MGST1: variants seen among roughly 807,000 people sequenced by gnomAD.
The protein encoded by MGST1 is microsomal glutathione S-transferase 1, also known as glutathione S-transferase 12.
A neutral mutation model predicts 8.9 loss-of-function variants in MGST1; 5 were observed. The observed-to-expected ratio is 0.56, with a 90% CI of 0.29 to 1.19. The LOEUF (loss-of-function observed/expected upper bound fraction) is 1.19. MGST1 is among the 50% of genes most tolerant of loss of function. The probability of loss-of-function intolerance (pLI) is 0.08; values close to 1 mark genes in which losing one functional copy is unlikely to be tolerated. For missense variants in MGST1, 182 were observed against 187.4 expected (o/e 0.97, Z 0.17); for synonymous variants, 54 against 67.8 (o/e 0.80, Z 1.00).
chr12:16,502,664 C>A (rs1368386290), intron 4 of MGST1, among the ~76,000 whole-genome samples: 1 of 152,072 alleles, frequency 6.6e-6, no homozygotes, highest in African/African-American at 2.4e-5. Context: ...TGAAGTCAAA[C>A]AAAGAAAATG....
intron 4 of MGST1, among the ~76,000 whole-genome samples, chr12:16,568,666 T>G (rs547702214): frequency 6.6e-6 from 1 of 152,232 alleles, no homozygotes; most frequent in East Asian, 1.9e-4. Flanking sequence ...TTTGGATACA[T>G]TGCATTAAAT....
At chr12:16,367,723 T>A (rs755459124), downstream of MGST1, among the ~76,000 whole-genome samples, 1 of 152,164 alleles carries the variant, frequency 6.6e-6, no homozygotes, top group East Asian at 1.9e-4. Context: ...CACTTCAAGA[T>A]GGAGATGATC....
rs11387725 is a variant in MGST1 at position 16,353,757 on chromosome 12, C to CTTT, written c.-22-456_-22-454dup. Among the ~76,000 whole-genome samples, 214 of 111,456 alleles carry CTTT rather than the reference C, an allele frequency of 1.9e-3. 10 individuals carry two copies. The highest frequency in any genetic ancestry group is 5.9e-3 in the African/African-American group (163 of 27,748). The allele number at this position is 111,456 out of a possible 152,430, so 73.1% of individuals were successfully genotyped here. ...ACTAGATAAAATATAATATTGCATA[C>CTTT]TTTTTTTTTTTTTTTTTTTTGAGAT... On this transcript the variant is annotated intron_variant, in intron 1 of 3. Coordinates refer to ENST00000396210, the MANE Select transcript of MGST1 (RefSeq NM_020300.5).
intron 4 of MGST1, among the ~76,000 whole-genome samples, chr12:16,535,707 C>G (rs1415821115): frequency 6.6e-6 from 1 of 152,104 alleles, no homozygotes; most frequent in Non-Finnish European, 1.5e-5. Context: ...AGCAATGGCT[C>G]TTAATATATT....
intron 1 of MGST1, among the ~76,000 whole-genome samples, chr12:16,435,386 A>T (rs1367853908): frequency 6.6e-6 from 1 of 151,914 alleles, no homozygotes; most frequent in Non-Finnish European, 1.5e-5. Flanking sequence ...CTTTTTCACG[A>T]TTCCAGGAAA....
chr12:16,388,573 C>A (rs1466942491), intron 1 of MGST1, among the ~76,000 whole-genome samples: 1 of 152,192 alleles, frequency 6.6e-6, no homozygotes, highest in African/African-American at 2.4e-5. Context: ...TAACTGGTGT[C>A]TACTGTATTC....
intron 1 of MGST1, among the ~76,000 whole-genome samples, chr12:16,349,767 C>T (rs1389970451): frequency 1.1e-4 from 14 of 126,518 alleles, no homozygotes; most frequent in Admixed American, 1.1e-3. Flanking sequence ...TTTTTTGAGA[C>T]GGGGTCTCGC....
chr12:16,379,366 G>A (rs941053647), downstream of MGST1, among the ~76,000 whole-genome samples: 32 of 152,146 alleles, frequency 2.1e-4, no homozygotes, highest in African/African-American at 4.8e-4. Flanking sequence ...AAGAGTTGTC[G>A]AATTTTGTCA....
intron 3 of MGST1, among the ~76,000 whole-genome samples, chr12:16,360,980 T>TCC (rs4149217): frequency 2.9e-3 from 412 of 143,898 alleles, no homozygotes; most frequent in African/African-American, 5.7e-3. Flanking sequence ...TTTATAGTGT[T>TCC]CCCCCCCTCC....
chr12:16,475,602 T>C (rs528913166), intron 4 of MGST1, among the ~76,000 whole-genome samples: 2 of 152,280 alleles, frequency 1.3e-5, no homozygotes, highest in East Asian at 3.9e-4. Context: ...GCATTTCTTA[T>C]ACCCTTAAGA....
At chr12:16,380,923 T>C (rs1009368379), downstream of MGST1, among the ~76,000 whole-genome samples, 60 of 152,162 alleles carry the variant, frequency 3.9e-4, 2 homozygotes, top group Admixed American at 1.3e-4. Flanking sequence ...CTTTTGATCT[T>C]TGTTGGTTTA....
At chr12:16,531,068 C>G (rs1246265377) in intron 4 of MGST1, among the ~76,000 whole-genome samples, 1 of 140,008 alleles carries the variant, frequency 7.1e-6, no homozygotes, top group African/African-American at 2.7e-5. Flanking sequence ...AATAGTGGTG[C>G]TTTTAGTAGT....
intron 1 of MGST1, among the ~76,000 whole-genome samples, chr12:16,419,837 C>T (rs1453287004): frequency 2.6e-5 from 4 of 152,208 alleles, no homozygotes; most frequent in South Asian, 2.1e-4. Context: ...TCAGAGAATC[C>T]GCCTAGCTGA....
chr12:16,401,250 C>T lies in MGST1; in HGVS notation n.778+17646C>T, dbSNP rs1243597358. On this transcript the variant is annotated intron_variant and non_coding_transcript_variant, in intron 1 of 1. Coordinates refer to the MGST1 transcript ENST00000359720. The surrounding 1 kb of genome is among the most constrained non-coding windows in gnomAD (Gnocchi z 4.3). Reference sequence around the variant, plus strand: ...CATAGGTTTTCTCTTCTGGCTTTTTCCCCTCCTTGTTAGTCAGGTCTGAGA... The same window carrying T: ...CATAGGTTTTCTCTTCTGGCTTTTTTCCCTCCTTGTTAGTCAGGTCTGAGA... 3 of 1,566,802 alleles carry T rather than the reference C, an allele frequency of 1.9e-6. No homozygotes were observed. Among genetic ancestry groups the T allele is most frequent in the Non-Finnish European group, 2.6e-6 (3 of 1,139,790 alleles).
At chr12:16,446,676 G>A (rs1941082976) in intron 4 of MGST1, among the ~76,000 whole-genome samples, 1 of 151,754 alleles carries the variant, frequency 6.6e-6, no homozygotes. Flanking sequence ...TTGTTCTGTG[G>A]CAAACAAAAT....
chr12:16,592,788 G>C (rs1235927257), downstream of MGST1, among the ~76,000 whole-genome samples: 1 of 151,682 alleles, frequency 6.6e-6, no homozygotes, highest in African/African-American at 2.4e-5. Context: ...CACTATCCTA[G>C]AGATGGAAAA....
chr12:16,381,790 T>G (rs572586190), downstream of MGST1, among the ~76,000 whole-genome samples: 6 of 152,342 alleles, frequency 3.9e-5, no homozygotes, highest in East Asian at 9.6e-4. Flanking sequence ...GATGTAGATT[T>G]GGTCTTTTCA....
rs184300008 is a variant in MGST1, at chr12:16,541,919, A to C, written n.483-47609A>C. 4.1e-3 allele frequency among the ~76,000 whole-genome samples: 622 copies of C among 152,292 alleles called. 6 individuals carry two copies. The highest frequency in any genetic ancestry group is 0.013 in the African/African-American group (554 of 41,552). ...GAAACCCAACCAGAGTAACAAAAGTAAGTCAGTCATGGTGACAAGATGCCC... is the reference window on the plus strand; with the variant it reads ...GAAACCCAACCAGAGTAACAAAAGTCAGTCAGTCATGGTGACAAGATGCCC... On this transcript the variant is annotated intron_variant and non_coding_transcript_variant, in intron 4 of 4. Coordinates refer to the MGST1 transcript ENST00000538857.
At chr12:16,348,675 G>T (rs925561399) in intron 1 of MGST1, among the ~76,000 whole-genome samples, 1 of 152,034 alleles carries the variant, frequency 6.6e-6, no homozygotes, top group Admixed American at 6.6e-5. Context: ...GTCCCAGCCT[G>T]CTGTGAGTCC....
Sources: gnomAD v4.1 joint callset for allele counts (sites outside exome capture counted in the v4.1 genomes callset) on GRCh38, gnomAD v4.1.1 for gene constraint, Gnocchi (gnomAD v3.1) non-coding constraint, MANE v1.5 for transcripts, NCBI Gene and HGNC (gene_info 2026-07-23, HGNC 2026-07-21) for gene names.